SLC2A13: variants seen among roughly 807,000 people sequenced by gnomAD.
SLC2A13 encodes proton myo-inositol cotransporter.
In SLC2A13, 32 loss-of-function variants were observed where a neutral mutation model predicts 64.4. That is an observed-to-expected ratio of 0.50 (90% CI 0.37 to 0.67). The LOEUF (loss-of-function observed/expected upper bound fraction) is 0.67, where lower values mean the gene tolerates loss of function less well. SLC2A13 is among the 30% of genes least tolerant of loss of function. SLC2A13 has a pLI of 0.00. For synonymous variants in SLC2A13, 338 were observed against 327.1 expected (o/e 1.03, Z -0.36); for missense variants, 743 against 829.2 (o/e 0.90, Z 1.28).
intron 1 of SLC2A13, among the ~76,000 whole-genome samples, chr12:40,062,044 T>C (rs1948432056): frequency 6.6e-6 from 1 of 151,982 alleles, no homozygotes; most frequent in South Asian, 2.1e-4. Flanking sequence ...ACAGCTACTG[T>C]AGATCAGGGG....
intron 1 of SLC2A13, among the ~76,000 whole-genome samples, chr12:40,080,253 T>A (rs144570709): frequency 6.6e-6 from 1 of 152,336 alleles, no homozygotes; most frequent in Non-Finnish European, 1.5e-5. Flanking sequence ...TAGATCTTTC[T>A]CCATCCCTTT....
chr12:39,812,395 TCTC>T (rs1942200655), intron 7 of SLC2A13, among the ~76,000 whole-genome samples: 4 of 148,630 alleles, frequency 2.7e-5, no homozygotes, highest in Admixed American at 1.3e-4. Context: ...TCTTTCTCTC[TCTC>T]TTTCTTCCTT....
intron 1 of SLC2A13, among the ~76,000 whole-genome samples, chr12:40,073,423 T>C (rs541492852): frequency 1.2e-4 from 18 of 152,232 alleles, no homozygotes; most frequent in African/African-American, 4.3e-4. Context: ...TCAAAGGCAT[T>C]ATTGCTACTA....
At chr12:39,790,089 T>A (rs1388849552) in intron 7 of SLC2A13, among the ~76,000 whole-genome samples, 1 of 150,018 alleles carries the variant, frequency 6.7e-6, no homozygotes, top group Admixed American at 6.7e-5. Context: ...ATATATTCAA[T>A]ATAGAAATTA....
chr12:39,830,429 C>T (rs1182459942), intron 6 of SLC2A13: 6 of 1,287,124 alleles, frequency 4.7e-6, no homozygotes, highest in Non-Finnish European at 5.9e-6. Flanking sequence ...CTCTTTTGGC[C>T]ACAGCAACTT....
At chr12:39,895,977 T>C (rs1168751346) in intron 4 of SLC2A13, among the ~76,000 whole-genome samples, 3 of 145,046 alleles carry the variant, frequency 2.1e-5, no homozygotes, top group African/African-American at 8.3e-5. Flanking sequence ...TGTGTATATG[T>C]ATACATACAT....
At chr12:39,998,594 C>T (rs780873474) in intron 3 of SLC2A13, among the ~76,000 whole-genome samples, 2 of 152,116 alleles carry the variant, frequency 1.3e-5, no homozygotes, top group Non-Finnish European at 2.9e-5. Flanking sequence ...CAATTTCTCC[C>T]GTTTGGAATG....
At chr12:39,967,275 T>C (rs1946536464) in intron 3 of SLC2A13, among the ~76,000 whole-genome samples, 1 of 152,224 alleles carries the variant, frequency 6.6e-6, no homozygotes, top group Non-Finnish European at 1.5e-5. Flanking sequence ...TTATATTCAT[T>C]AGCAAAGATG....
intron 7 of SLC2A13, among the ~76,000 whole-genome samples, chr12:39,807,765 G>A (rs1265164615): frequency 6.6e-6 from 1 of 152,128 alleles, no homozygotes; most frequent in East Asian, 1.9e-4. Context: ...ATAATGGAGA[G>A]TTGGGTCTTC....
intron 7 of SLC2A13, among the ~76,000 whole-genome samples, chr12:39,770,244 T>C (rs948348121): frequency 6.6e-6 from 1 of 152,114 alleles, no homozygotes; most frequent in African/African-American, 2.4e-5. Context: ...ATTCTGGCCT[T>C]GATCTTTCTT....
intron 3 of SLC2A13, among the ~76,000 whole-genome samples, chr12:40,006,422 A>G (rs1323802133): frequency 6.6e-6 from 1 of 152,206 alleles, no homozygotes; most frequent in East Asian, 1.9e-4. Context: ...AATCTCTATC[A>G]AAGAGATGTG....
At chr12:39,933,099 T>C (rs1347916527) in intron 4 of SLC2A13, among the ~76,000 whole-genome samples, 3 of 152,044 alleles carry the variant, frequency 2.0e-5, no homozygotes, top group Non-Finnish European at 4.4e-5. Context: ...CGTGGGGGCA[T>C]GTGCCTGTAA....
At chr12:39,882,665 G>A (rs1341457435) in intron 4 of SLC2A13, among the ~76,000 whole-genome samples, 3 of 151,936 alleles carry the variant, frequency 2.0e-5, no homozygotes, top group African/African-American at 7.3e-5. Context: ...AATCAGATGG[G>A]TGCTCCCCTG....
chr12:39,812,835 CTT>C (rs780822070), intron 7 of SLC2A13, among the ~76,000 whole-genome samples: 96 of 127,922 alleles, frequency 7.5e-4, no homozygotes, highest in East Asian at 7.3e-3. Context: ...GTAGTATTAC[CTT>C]TTTTTTTTTT....
At chr12:40,098,485 A>G (rs1316664038) in intron 1 of SLC2A13, among the ~76,000 whole-genome samples, 4 of 152,256 alleles carry the variant, frequency 2.6e-5, no homozygotes, top group Non-Finnish European at 5.9e-5. Flanking sequence ...TATAAATGTT[A>G]TGTGTTCTTT....
chr12:39,964,284 A>G (rs1438771491), intron 3 of SLC2A13, among the ~76,000 whole-genome samples: 3 of 152,248 alleles, frequency 2.0e-5, no homozygotes, highest in Admixed American at 2.0e-4. Flanking sequence ...GAATTTACAT[A>G]TTAAAAAATA....
chr12:39,911,664 C>G (rs1945434417), intron 4 of SLC2A13, among the ~76,000 whole-genome samples: 1 of 152,074 alleles, frequency 6.6e-6, no homozygotes, highest in Non-Finnish European at 1.5e-5. Context: ...TTTCCACTAT[C>G]TTTTGCAGTG....
intron 1 of SLC2A13, among the ~76,000 whole-genome samples, chr12:40,085,154 C>A (rs1938549183): frequency 6.6e-6 from 1 of 152,198 alleles, no homozygotes; most frequent in Non-Finnish European, 1.5e-5. Flanking sequence ...GAGGACTCCA[C>A]CTCCACAGGG....
At chr12:40,033,339 T>C (rs1947932353) in intron 2 of SLC2A13, among the ~76,000 whole-genome samples, 1 of 152,252 alleles carries the variant, frequency 6.6e-6, no homozygotes, top group Admixed American at 6.5e-5. Flanking sequence ...AGGTTCCCTT[T>C]GGAAGTATTA....
Sources: allele counts gnomAD v4.1 joint callset (sites outside exome capture counted in the v4.1 genomes callset), GRCh38; gene constraint gnomAD v4.1.1; transcripts MANE v1.5; gene names NCBI Gene and HGNC (gene_info 2026-07-23, HGNC 2026-07-21).